Variants in PDE12 observed in about 807,000 individuals in gnomAD.
PDE12 encodes phosphodiesterase 12.
In PDE12, 26 loss-of-function variants were observed where a neutral mutation model predicts 45.4. The ratio of observed to expected loss-of-function variants is 0.57; its 90% CI spans 0.42 to 0.79. The LOEUF is 0.79. Among genes scored for constraint, PDE12 ranks in the 30% least tolerant of loss-of-function variants. The pLI is 0.00. For synonymous variants in PDE12, 283 were observed against 323.9 expected (o/e 0.87, Z 1.36); for missense variants, 668 against 790.0 (o/e 0.85, Z 1.85).
At chr3:57,649,612 G>A in the PDE12 span, among the ~76,000 whole-genome samples, 1 of 148,580 alleles carries the variant, frequency 6.7e-6, no homozygotes, top group Non-Finnish European at 1.5e-5. Flanking sequence ...AAGCCCAAAT[G>A]CCCATCAATC....
chr3:57,599,090 G>A, the PDE12 span, among the ~76,000 whole-genome samples: 1 of 152,158 alleles, frequency 6.6e-6, no homozygotes, highest in Non-Finnish European at 1.5e-5. Flanking sequence ...TACATTCTAG[G>A]GAGAAATGAG....
the PDE12 span, among the ~76,000 whole-genome samples, chr3:57,608,808 T>C: frequency 3.9e-5 from 6 of 152,158 alleles, no homozygotes; most frequent in Non-Finnish European, 8.8e-5. Context: ...AACACCCCAC[T>C]GTCAACATTA....
downstream of PDE12, among the ~76,000 whole-genome samples, chr3:57,567,485 A>G (rs1460245502): frequency 2.6e-5 from 4 of 152,216 alleles, no homozygotes; most frequent in Admixed American, 2.0e-4. Context: ...CACTTCTGCT[A>G]TTCATTTCTC....
chr3:57,572,412 A>G, the PDE12 span: 1 of 732,036 alleles, frequency 1.4e-6, no homozygotes, highest in East Asian at 2.7e-5. Flanking sequence ...ATCTCACAAA[A>G]CTCTCCCATA....
the PDE12 span, among the ~76,000 whole-genome samples, chr3:57,574,679 T>C: frequency 6.6e-6 from 1 of 152,120 alleles, no homozygotes; most frequent in Non-Finnish European, 1.5e-5. Flanking sequence ...AGTATTGGGA[T>C]TACGGGTGTG....
the PDE12 span, chr3:57,577,512 A>T: frequency 1.3e-5 from 9 of 719,682 alleles, no homozygotes; most frequent in Admixed American, 2.5e-5. Flanking sequence ...AAAAGTAAGA[A>T]CTTAAGGCTG....
Position 57,556,425 on chromosome 3 carries a change from A to T in PDE12, c.46A>T (p.Thr16Ser), listed in dbSNP as rs779141104. Residue 16 changes from threonine to serine, a missense_variant, in exon 1 of 3, where the codon ACG (threonine) becomes TCG (serine). Physicochemically the swap from Thr to Ser is moderately conservative, Grantham distance 58 (BLOSUM62 1). Coordinates refer to ENST00000311180, the MANE Select transcript of PDE12 (RefSeq NM_177966.7). This position sits in a 1 kb window ranked among gnomAD's most constrained non-coding sequence, Gnocchi z 5.0. ...CCGCGCCGCGCTTCGGGTGATCCGG[A>T]CGGCGGTGGAGAAGCTGAGCCGGGC... is the stretch of plus-strand genomic sequence containing the variant. ...GARAALRVIR[T>S]AVEKLSRAEA... 1 of 1,610,474 alleles carries T rather than the reference A, an allele frequency of 6.2e-7. No individual in the cohort carries two copies. The highest frequency in any genetic ancestry group is 8.5e-7 in the Non-Finnish European group (1 of 1,178,816).
the PDE12 span, among the ~76,000 whole-genome samples, chr3:57,578,390 TAAAA>T: frequency 7.0e-6 from 1 of 142,372 alleles, no homozygotes. Flanking sequence ...CCCTATCTCT[TAAAA>T]AAAAAAAGAA....
chr3:57,556,727 T>G lies in PDE12; in HGVS notation c.348T>G (p.Ala116=). The change falls in exon 1 of 3, where the codon GCT becomes GCG. Residue 116 remains alanine, a synonymous_variant. Coordinates refer to ENST00000311180, the MANE Select transcript of PDE12 (RefSeq NM_177966.7). The surrounding 1 kb of genome is among the most constrained non-coding windows in gnomAD (Gnocchi z 5.0). ...AACSGPGPEP[A]VFCEPVVKLY... is the part of the protein sequence containing the mutation. ...GTTCAGGGCCGGGGCCTGAGCCGGC[T>G]GTGTTCTGCGAGCCCGTGGTGAAGC... The G allele has an allele frequency of 6.3e-7, 1 of 1,596,392 alleles. No homozygotes were observed. The highest frequency in any genetic ancestry group is 1.1e-5 in the South Asian group (1 of 89,724).
At chr3:57,597,340 C>T in the PDE12 span, 1 of 504,566 alleles carries the variant, frequency 2.0e-6, no homozygotes, top group South Asian at 2.3e-5. Flanking sequence ...ACCTGCTAGG[C>T]GACTGGCGCG....
chr3:57,597,541 A>T, the PDE12 span: 1 of 162,834 alleles, frequency 6.1e-6, no homozygotes, highest in East Asian at 1.8e-4. Flanking sequence ...GCTGACGAGC[A>T]TCTCTCGACG....
chr3:57,638,984 G>GCTA, the PDE12 span, among the ~76,000 whole-genome samples: 56 of 152,242 alleles, frequency 3.7e-4, no homozygotes, highest in East Asian at 9.1e-3. Context: ...TGTACTCCCA[G>GCTA]CTACTCGGGA....
chr3:57,629,637 G>A, the PDE12 span, among the ~76,000 whole-genome samples: 271 of 147,642 alleles, frequency 1.8e-3, no homozygotes, highest in East Asian at 5.1e-3. Flanking sequence ...TCAGCCTCCC[G>A]AGTAGCTGGG....
At position 57,561,192 on chromosome 3, in the gene PDE12, T is replaced by C; in HGVS notation, c.*1188T>C. ...TAAATGAACAGGGTATTTGACCATA[T>C]GATATTAGAAAATACAGCACATTAC... On this transcript the variant is annotated 3_prime_UTR_variant, in exon 3 of 3. Transcript: ENST00000311180. The C allele has an allele frequency of 2.0e-6, 2 of 984,144 alleles. No individual in the cohort carries two copies. Among genetic ancestry groups the C allele is most frequent in the Non-Finnish European group, 2.4e-6 (2 of 828,368 alleles). The allele number at this position is 984,144 out of a possible 1,614,324, so 61.0% of individuals were successfully genotyped here.
the PDE12 span, among the ~76,000 whole-genome samples, chr3:57,634,168 G>A: frequency 6.6e-6 from 1 of 152,042 alleles, no homozygotes; most frequent in African/African-American, 2.4e-5. Flanking sequence ...CACGGTGGCT[G>A]ACGCCTGTAA....
At chr3:57,569,244 C>A (rs1043352475), downstream of PDE12, among the ~76,000 whole-genome samples, 12 of 151,834 alleles carry the variant, frequency 7.9e-5, no homozygotes, top group Non-Finnish European at 1.2e-4. Flanking sequence ...TCTCCCAAAA[C>A]ATTTAAACCA....
chr3:57,606,088 A>G, the PDE12 span, among the ~76,000 whole-genome samples: 1,060 of 152,272 alleles, frequency 7.0e-3, 5 homozygotes, highest in Middle Eastern at 0.017. Flanking sequence ...ATAATGACCA[A>G]TGACCCACAT....
At chr3:57,633,452 C>G in the PDE12 span, 1 of 981,984 alleles carries the variant, frequency 1.0e-6, no homozygotes, top group Non-Finnish European at 1.5e-6. Flanking sequence ...TACATTTATA[C>G]TTGATATTTA....
the PDE12 span, chr3:57,631,201 A>T: frequency 4.0e-6 from 2 of 498,710 alleles, no homozygotes; most frequent in Non-Finnish European, 7.1e-6. Flanking sequence ...AGGGGACTAC[A>T]TTTTTTCTTT....
Sources: allele counts gnomAD v4.1 joint callset (sites outside exome capture counted in the v4.1 genomes callset), GRCh38; gene constraint gnomAD v4.1.1; non-coding constraint Gnocchi (gnomAD v3.1); transcripts MANE v1.5; gene names NCBI Gene and HGNC (gene_info 2026-07-23, HGNC 2026-07-21).